Variants in MAF observed in about 807,000 individuals in gnomAD.
MAF encodes the protein MAF bZIP transcription factor.
In MAF, 10 loss-of-function variants were observed where a neutral mutation model predicts 22.0. That is an observed-to-expected ratio of 0.45 (90% CI 0.28 to 0.77). The LOEUF is 0.77. MAF is among the 30% of genes least tolerant of loss of function. The pLI is 0.12. For synonymous variants in MAF, 337 were observed against 255.8 expected (o/e 1.32, Z -3.03); for missense variants, 544 against 548.4 (o/e 0.99, Z 0.08).
At chr16:79,346,794 C>T in the MAF span, among the ~76,000 whole-genome samples, 1 of 152,206 alleles carries the variant, frequency 6.6e-6, no homozygotes, top group Admixed American at 6.5e-5. Flanking sequence ...GATCTATTTG[C>T]ACATTTCTGA....
chr16:79,265,704 A>T, the MAF span, among the ~76,000 whole-genome samples: 4 of 152,228 alleles, frequency 2.6e-5, no homozygotes, highest in Admixed American at 2.0e-4. Flanking sequence ...GATCTTAGCA[A>T]TCTCAGCACA....
the MAF span, among the ~76,000 whole-genome samples, chr16:79,369,554 T>C: frequency 6.6e-6 from 1 of 152,226 alleles, no homozygotes; most frequent in Non-Finnish European, 1.5e-5. Flanking sequence ...TGTTTGCAAA[T>C]ATTTCTTTTT....
At chr16:79,582,606 AG>A (rs1459436265), downstream of MAF, among the ~76,000 whole-genome samples, 1 of 152,218 alleles carries the variant, frequency 6.6e-6, no homozygotes, top group Non-Finnish European at 1.5e-5. Flanking sequence ...CTGTATGGAA[AG>A]GGGGTGATGT....
At chr16:79,484,098 C>T in the MAF span, among the ~76,000 whole-genome samples, 2 of 152,186 alleles carry the variant, frequency 1.3e-5, no homozygotes, top group African/African-American at 4.8e-5. Context: ...AACTGAATGG[C>T]ACAGCACCCC....
At chr16:79,290,213 A>G in the MAF span, among the ~76,000 whole-genome samples, 1 of 152,186 alleles carries the variant, frequency 6.6e-6, no homozygotes, top group Non-Finnish European at 1.5e-5. Flanking sequence ...GCTACTTCCA[A>G]TCAGATAAAA....
the MAF span, among the ~76,000 whole-genome samples, chr16:79,323,148 A>AT: frequency 2.9e-5 from 1 of 34,602 alleles, no homozygotes; most frequent in African/African-American, 1.6e-4. Context: ...GACTCCATCT[A>AT]AAAAAAAAAA....
the MAF span, among the ~76,000 whole-genome samples, chr16:79,221,757 G>C: frequency 6.6e-6 from 1 of 151,964 alleles, no homozygotes; most frequent in Non-Finnish European, 1.5e-5. Context: ...GATTGTGTGT[G>C]TATGTGTGTG....
At chr16:79,593,212 GAAGT>G (rs1201015894), downstream of MAF, among the ~76,000 whole-genome samples, 1 of 152,212 alleles carries the variant, frequency 6.6e-6, no homozygotes, top group African/African-American at 2.4e-5. Context: ...TGTGAATACG[GAAGT>G]AAGTTGGCCT....
chr16:79,597,590 C>T, intron 1 of MAF: 4 of 1,022,206 alleles, frequency 3.9e-6, no homozygotes, highest in Non-Finnish European at 3.5e-6. Context: ...GGTTGAAGTT[C>T]TGAGTAACTC....
the MAF span, among the ~76,000 whole-genome samples, chr16:79,328,432 C>G: frequency 6.6e-6 from 1 of 152,146 alleles, no homozygotes; most frequent in Admixed American, 6.5e-5. Context: ...TTTGAAATCC[C>G]CACAGGTTCC....
chr16:79,354,220 T>A, the MAF span, among the ~76,000 whole-genome samples: 1 of 151,920 alleles, frequency 6.6e-6, no homozygotes, highest in African/African-American at 2.4e-5. Context: ...CTCAAAGTCC[T>A]GGCTCAAGTG....
At chr16:79,349,988 T>C in the MAF span, among the ~76,000 whole-genome samples, 1 of 152,190 alleles carries the variant, frequency 6.6e-6, no homozygotes, top group East Asian at 1.9e-4. Context: ...GCTTTCCTCC[T>C]TTAAGGCACA....
chr16:79,585,716 C>A (rs112749202), downstream of MAF: 5 of 556,756 alleles, frequency 9.0e-6, no homozygotes, highest in African/African-American at 7.6e-5. Flanking sequence ...TTACATGACA[C>A]GTGAAACCCA....
chr16:79,203,173 T>A, the MAF span: 2 of 152,152 alleles, frequency 1.3e-5, no homozygotes, highest in African/African-American at 4.8e-5. Flanking sequence ...TGTGAAGAGA[T>A]CTCTCTGTGT....
chr16:79,438,001 G>A, the MAF span, among the ~76,000 whole-genome samples: 6 of 152,290 alleles, frequency 3.9e-5, no homozygotes, highest in Non-Finnish European at 8.8e-5. Context: ...CCGGGAAGCC[G>A]GGGCTACTAC....
the MAF span, among the ~76,000 whole-genome samples, chr16:79,530,572 T>C: frequency 2.0e-5 from 3 of 152,178 alleles, no homozygotes; most frequent in African/African-American, 7.2e-5. Context: ...TTTACATAAA[T>C]AGGAATGAAT....
At chr16:79,596,479 T>TA in intron 1 of MAF, 2 of 1,050,496 alleles carry the variant, frequency 1.9e-6, no homozygotes, top group Non-Finnish European at 2.3e-6. Flanking sequence ...GAGTACAGAA[T>TA]CAAAAAAAAA....
chr16:79,243,724 G>C, the MAF span, among the ~76,000 whole-genome samples: 1 of 152,004 alleles, frequency 6.6e-6, no homozygotes. Context: ...TATGAGGCCA[G>C]CATCATCCTG....
At chr16:79,399,386 TTGTTAGTTAAAGA>T in the MAF span, among the ~76,000 whole-genome samples, 1 of 152,134 alleles carries the variant, frequency 6.6e-6, no homozygotes, top group Non-Finnish European at 1.5e-5. Context: ...TGCTCACCCT[TTGTTAGTTAAAGA>T]TGGTTCAGTA....
Sources: gnomAD v4.1 joint callset for allele counts (sites outside exome capture counted in the v4.1 genomes callset) on GRCh38, gnomAD v4.1.1 for gene constraint, MANE v1.5 for transcripts, NCBI Gene and HGNC (gene_info 2026-07-23, HGNC 2026-07-21) for gene names.